Variants in ATF6 observed in about 807,000 individuals in gnomAD.
ATF6 encodes the protein activating transcription factor 6.
In ATF6, 53 loss-of-function variants were observed where a neutral mutation model predicts 83.6. That is an observed-to-expected ratio of 0.63 (90% CI 0.51 to 0.80). The LOEUF is 0.80. ATF6 is among the 30% of genes least tolerant of loss of function. The probability of loss-of-function intolerance (pLI) is 0.00; values close to 1 mark genes in which losing one functional copy is unlikely to be tolerated. For missense variants in ATF6, 744 were observed against 797.9 expected (o/e 0.93, Z 0.81); for synonymous variants, 288 against 285.8 (o/e 1.01, Z -0.08).
intron 2 of ATF6, 119 bp downstream of exon 2, chr1:161,778,439 A>G (rs1684570043): frequency 5.8e-6 from 4 of 685,252 alleles, no homozygotes; most frequent in Non-Finnish European, 9.9e-6. Flanking sequence ...AATGGTAAAT[A>G]GCTTCTACCA....
intron 14 of ATF6, among the ~76,000 whole-genome samples, chr1:161,898,244 C>A (rs1432989044): frequency 6.6e-6 from 1 of 152,264 alleles, no homozygotes; most frequent in South Asian, 2.1e-4. Context: ...AATATCATAT[C>A]CAGGCTTTTG....
chr1:161,916,498 T>G (rs1441820018), intron 15 of ATF6, among the ~76,000 whole-genome samples: 3 of 152,218 alleles, frequency 2.0e-5, no homozygotes, highest in African/African-American at 7.2e-5. Context: ...GACTTTCTCT[T>G]GCATAACCAC....
chr1:161,778,892 G>A (rs1427241735), intron 2 of ATF6, among the ~76,000 whole-genome samples: 1 of 152,026 alleles, frequency 6.6e-6, no homozygotes, highest in Non-Finnish European at 1.5e-5. Flanking sequence ...ATAGAACTTT[G>A]ATTTTGTCTT....
intron 15 of ATF6, among the ~76,000 whole-genome samples, chr1:161,926,296 A>G (rs986963609): frequency 6.6e-6 from 1 of 152,226 alleles, no homozygotes; most frequent in African/African-American, 2.4e-5. Flanking sequence ...AGCTGAAAGA[A>G]AACAAACATT....
intron 14 of ATF6, among the ~76,000 whole-genome samples, chr1:161,911,501 A>G (rs1168369668): frequency 6.6e-6 from 1 of 152,240 alleles, no homozygotes; most frequent in Non-Finnish European, 1.5e-5. Flanking sequence ...GCTGGAAATT[A>G]GAAACCTCAG....
At chr1:161,852,825 G>A (rs536301637) in intron 11 of ATF6, among the ~76,000 whole-genome samples, 120 of 152,082 alleles carry the variant, frequency 7.9e-4, no homozygotes, top group African/African-American at 2.8e-3. Context: ...ACTGTGTTGC[G>A]CAGGCTGATC....
chr1:161,917,092 A>G (rs1454078927), intron 15 of ATF6, among the ~76,000 whole-genome samples: 1 of 152,196 alleles, frequency 6.6e-6, no homozygotes, highest in Non-Finnish European at 1.5e-5. Flanking sequence ...CCCCTGGAAC[A>G]GTACCTGGTG....
At chr1:161,838,614 G>T (rs1233030992) in intron 9 of ATF6, among the ~76,000 whole-genome samples, 1 of 152,162 alleles carries the variant, frequency 6.6e-6, no homozygotes, top group Non-Finnish European at 1.5e-5. Context: ...CTCCACAGCT[G>T]CATGGGTTTC....
intron 14 of ATF6, among the ~76,000 whole-genome samples, chr1:161,897,721 A>G (rs1687704511): frequency 6.6e-6 from 1 of 152,250 alleles, no homozygotes; most frequent in Non-Finnish European, 1.5e-5. Flanking sequence ...TAAAATACAC[A>G]CTAGATTTTG....
chr1:161,845,793 AAAGTT>A (rs1231617683), intron 9 of ATF6, among the ~76,000 whole-genome samples: 1 of 151,496 alleles, frequency 6.6e-6, no homozygotes, highest in Non-Finnish European at 1.5e-5. Context: ...AAAAAAAAAA[AAAGTT>A]AAGTAGGCAG....
At chr1:161,800,246 A>C (rs1685113729) in intron 6 of ATF6, among the ~76,000 whole-genome samples, 1 of 152,238 alleles carries the variant, frequency 6.6e-6, no homozygotes, top group Admixed American at 6.5e-5. Context: ...TTGCATATAC[A>C]TAATGAGATA....
intron 14 of ATF6, among the ~76,000 whole-genome samples, chr1:161,867,632 C>T (rs1687035661): frequency 6.6e-6 from 1 of 152,148 alleles, no homozygotes; most frequent in Non-Finnish European, 1.5e-5. Flanking sequence ...TGTCAGTTTG[C>T]CATATTATCT....
At chr1:161,859,432 C>A (rs1320272950) in intron 12 of ATF6, among the ~76,000 whole-genome samples, 1 of 152,160 alleles carries the variant, frequency 6.6e-6, no homozygotes, top group African/African-American at 2.4e-5. Context: ...GTAGCTTGGG[C>A]ACATGTAGGT....
In ATF6 at chr1:161,766,435, A is replaced by C. The variant is rs1043108371; in HGVS notation, c.75A>C (p.Glu25Asp). 6.2e-7 allele frequency: 1 copy of C among 1,612,842 alleles called. No individual in the cohort carries two copies. Among genetic ancestry groups the C allele is most frequent in the African/African-American group, 1.3e-5 (1 of 74,882 alleles). Reference sequence around the variant, plus strand: ...CGGGACTCTTTCACAGGCTGGATGAAGATTGGGGTGAGTGGGATCTGAGAA... The same window carrying C: ...CGGGACTCTTTCACAGGCTGGATGACGATTGGGGTGAGTGGGATCTGAGAA... Reference protein sequence around the residue: ...FSPGLFHRLDEDWDSALFAEL... With the variant: ...FSPGLFHRLDDDWDSALFAEL... The change falls in exon 1 of 16, where the codon GAA (glutamate) becomes GAC (aspartate). Residue 25 changes from glutamate (E) to aspartate (D), a missense_variant. By Grantham distance (45) the Glu-to-Asp change is conservative (BLOSUM62 2). Transcript: ENST00000367942.
intron 14 of ATF6, among the ~76,000 whole-genome samples, chr1:161,887,017 T>C (rs987434595): frequency 6.6e-6 from 1 of 152,092 alleles, no homozygotes; most frequent in South Asian, 2.1e-4. Context: ...CAAGAAAGAA[T>C]GAAGGAAGGG....
chr1:161,863,337 G>A (rs1257653310), intron 14 of ATF6, 25 bp downstream of exon 14: 2 of 1,498,266 alleles, frequency 1.3e-6, no homozygotes, highest in East Asian at 4.5e-5. Context: ...AAAGAATAGA[G>A]CAAATATTTT....
intron 1 of ATF6, among the ~76,000 whole-genome samples, chr1:161,768,298 C>T (rs1317330986): frequency 6.6e-6 from 1 of 152,226 alleles, no homozygotes; most frequent in Non-Finnish European, 1.5e-5. Flanking sequence ...TCTTTGTAGT[C>T]AGTTCACCGA....
chr1:161,915,416 T>C (rs2101890964), intron 15 of ATF6, among the ~76,000 whole-genome samples: 1 of 152,176 alleles, frequency 6.6e-6, no homozygotes, highest in East Asian at 1.9e-4. Context: ...CCTGACTATT[T>C]TGGGGTTAGC....
At chr1:161,856,890 G>A (rs991685185) in intron 12 of ATF6, among the ~76,000 whole-genome samples, 1 of 152,124 alleles carries the variant, frequency 6.6e-6, no homozygotes, top group Non-Finnish European at 1.5e-5. Context: ...TGTTCATTTG[G>A]AGATGTGTAG....
Sources: gnomAD v4.1 joint callset for allele counts (sites outside exome capture counted in the v4.1 genomes callset) on GRCh38, gnomAD v4.1.1 for gene constraint, MANE v1.5 for transcripts, NCBI Gene and HGNC (gene_info 2026-07-23, HGNC 2026-07-21) for gene names.